MFHAS1: variants seen among roughly 807,000 people sequenced by gnomAD.
MFHAS1 encodes multifunctional ROCO family signaling regulator 1, also known as malignant fibrous histiocytoma-amplified sequence 1.
MFHAS1 carries 50 observed loss-of-function variants against 70.4 expected under a neutral mutation model. The ratio of observed to expected loss-of-function variants is 0.71; its 90% CI spans 0.57 to 0.90. MFHAS1 has a LOEUF of 0.90. MFHAS1 is among the 40% of genes least tolerant of loss of function. The pLI is 0.00. For synonymous variants in MFHAS1, 952 were observed against 620.0 expected (o/e 1.54, Z -7.96); for missense variants, 1,795 against 1,347.6 (o/e 1.33, Z -5.20).
chr8:8,860,898 C>T (rs61340036), intron 1 of MFHAS1, among the ~76,000 whole-genome samples: 31 of 152,142 alleles, frequency 2.0e-4, no homozygotes, highest in Non-Finnish European at 1.6e-4. Context: ...TGTATACATA[C>T]GTATACAAAC....
intron 1 of MFHAS1, among the ~76,000 whole-genome samples, chr8:8,804,807 T>C (rs182655644): frequency 5.5e-4 from 84 of 152,382 alleles, no homozygotes; most frequent in African/African-American, 1.9e-3. Flanking sequence ...TGGGCACGGA[T>C]GACGGGCGCC....
intron 1 of MFHAS1, among the ~76,000 whole-genome samples, chr8:8,847,697 C>G (rs554952884): frequency 6.6e-6 from 1 of 152,244 alleles, no homozygotes; most frequent in South Asian, 2.1e-4. Context: ...CAGTAAATTC[C>G]CTGCACACTC....
Position 8,892,629 on chromosome 8 carries a change from G to C in MFHAS1, c.430C>G (p.His144Asp). 1 of 1,604,986 alleles carries C rather than the reference G, an allele frequency of 6.2e-7. No individual in the cohort carries two copies. The highest frequency in any genetic ancestry group is 8.5e-7 in the Non-Finnish European group (1 of 1,176,488). The change falls in exon 1 of 3, where the codon CAC becomes GAC. Residue 144 changes from histidine (H) to aspartate (D), a missense_variant. Physicochemically the swap from His to Asp is moderately conservative, Grantham distance 81. Transcript: ENST00000276282. The surrounding 1 kb of genome is among the most constrained non-coding windows in gnomAD (Gnocchi z 4.7). ...LRELRKLNLS[H>D]NQLPALPAQL... Reference sequence around the variant, plus strand: ...GCGGGCAGGGCGGGCAGCTGGTTGTGGCTGAGGTTGAGCTTCCGCAGCTCC... The same window carrying C: ...GCGGGCAGGGCGGGCAGCTGGTTGTCGCTGAGGTTGAGCTTCCGCAGCTCC...
chr8:8,891,367 G>A lies in MFHAS1; in HGVS notation c.1692C>T (p.His564=). 6.2e-7 allele frequency: 1 copy of A among 1,611,418 alleles called. No individual in the cohort carries two copies. Among genetic ancestry groups the A allele is most frequent in the Middle Eastern group, 1.6e-4 (1 of 6,062 alleles). Residue 564 remains histidine, a synonymous_variant, in exon 1 of 3, where the codon CAC becomes CAT. Transcript: ENST00000276282. The surrounding 1 kb of genome is among the most constrained non-coding windows in gnomAD (Gnocchi z 5.4). ...CCAAGCGGCTCAGTCCCTCCGCGTC[G>A]TGCTTCTCCTGCAGGGCGATCTGGC... ...IHRQIALQEK[H]DAEGLSRLAK...
chr8:8,801,796 T>C (rs1415827730), intron 1 of MFHAS1, among the ~76,000 whole-genome samples: 2 of 152,138 alleles, frequency 1.3e-5, no homozygotes, highest in African/African-American at 4.8e-5. Context: ...AGGATCCCAG[T>C]GTCCACAGGG....
At chr8:8,854,438 G>A (rs886105047) in intron 1 of MFHAS1, among the ~76,000 whole-genome samples, 4 of 151,922 alleles carry the variant, frequency 2.6e-5, no homozygotes, top group African/African-American at 9.7e-5. Flanking sequence ...GGATAATGGA[G>A]TGAACCCGGG....
intron 1 of MFHAS1, among the ~76,000 whole-genome samples, chr8:8,847,478 G>A (rs905450421): frequency 5.9e-5 from 9 of 152,262 alleles, no homozygotes; most frequent in Admixed American, 3.9e-4. Flanking sequence ...CACCACGCCC[G>A]GCCAGAAATA....
At chr8:8,823,479 AG>A (rs1165414999) in intron 1 of MFHAS1, among the ~76,000 whole-genome samples, 3 of 152,180 alleles carry the variant, frequency 2.0e-5, no homozygotes, top group East Asian at 3.9e-4. Flanking sequence ...CTACTGCAAA[AG>A]GAAGAGACTG....
intron 1 of MFHAS1, among the ~76,000 whole-genome samples, chr8:8,833,545 C>T (rs1247954576): frequency 6.6e-6 from 1 of 152,110 alleles, no homozygotes; most frequent in African/African-American, 2.4e-5. Flanking sequence ...AGGAAGACTG[C>T]TTGAAACCAG....
rs139730878 is a variant in MFHAS1 at position 8,817,850 on chromosome 8, A to T, written c.2999-20359T>A. Among the ~76,000 whole-genome samples the T allele has an allele frequency of 7.7e-4, 118 of 152,282 alleles. 1 individual carries two copies. Among genetic ancestry groups the T allele is most frequent in the African/African-American group, 2.7e-3 (113 of 41,560 alleles). On this transcript the variant is annotated intron_variant, in intron 1 of 2. Coordinates refer to ENST00000276282, the MANE Select transcript of MFHAS1 (RefSeq NM_004225.3). ...AGAACCTAATGTAATGCTGCCGCTG[A>T]TCGGACAGGAGGCAGAGCTCAGGCA...
intron 1 of MFHAS1, among the ~76,000 whole-genome samples, chr8:8,836,803 G>T (rs1038147799): frequency 1.3e-5 from 2 of 152,152 alleles, no homozygotes; most frequent in African/African-American, 4.8e-5. Flanking sequence ...GCACACAGGG[G>T]TCTAAAAATT....
intron 1 of MFHAS1, among the ~76,000 whole-genome samples, chr8:8,847,971 A>T (rs1054772368): frequency 6.6e-6 from 1 of 152,240 alleles, no homozygotes; most frequent in African/African-American, 2.4e-5. Context: ...TGTAACATTA[A>T]AAACACTATC....
chr8:8,850,295 T>A (rs1193621824), intron 1 of MFHAS1, among the ~76,000 whole-genome samples: 6 of 152,224 alleles, frequency 3.9e-5, no homozygotes, highest in African/African-American at 1.4e-4. Flanking sequence ...GCTTAACATG[T>A]CTGTGACAAT....
At chr8:8,838,961 G>C (rs1039997003) in intron 1 of MFHAS1, among the ~76,000 whole-genome samples, 4 of 152,046 alleles carry the variant, frequency 2.6e-5, no homozygotes, top group African/African-American at 9.7e-5. Flanking sequence ...ATATATGCAG[G>C]GTCTCTTTGC....
chr8:8,851,128 G>C (rs983840369), intron 1 of MFHAS1, among the ~76,000 whole-genome samples: 1 of 152,196 alleles, frequency 6.6e-6, no homozygotes, highest in Non-Finnish European at 1.5e-5. Flanking sequence ...TACAGAAGAT[G>C]AAAAATACAT....
In MFHAS1 at chr8:8,891,296, G is replaced by A; in HGVS notation, c.1763C>T (p.Ser588Phe). The A allele has an allele frequency of 1.2e-6, 2 of 1,611,594 alleles. No homozygotes were observed. Among genetic ancestry groups the A allele is most frequent in the Non-Finnish European group, 1.7e-6 (2 of 1,180,026 alleles). Residue 588 changes from serine (S) to phenylalanine (F), a missense_variant, in exon 1 of 3, where the codon TCT (serine) becomes TTT (phenylalanine). Transcript: ENST00000276282. This position sits in a 1 kb window ranked among gnomAD's most constrained non-coding sequence, Gnocchi z 5.4. ...EALARDFELR[S>F]ASPHAAYYGV... ...ATAGTAGGCTGCGTGGGGGCTGGCA[G>A]AGCGCAGCTCGAAGTCCCGGGCCAG...
chr8:8,811,611 G>A (rs937568361), intron 1 of MFHAS1, among the ~76,000 whole-genome samples: 14 of 152,328 alleles, frequency 9.2e-5, no homozygotes, highest in South Asian at 6.2e-4. Context: ...GGTAACTAAC[G>A]TCCACCTGAC....
rs1807588019 is a variant in MFHAS1 at position 8,836,196 on chromosome 8, G to C, written c.2999-38705C>G. Among the ~76,000 whole-genome samples, 4 of 152,264 alleles carry C rather than the reference G, an allele frequency of 2.6e-5. No homozygotes were observed. In the South Asian group the frequency reaches 8.3e-4, roughly 32 times the overall value. Reference sequence around the variant, plus strand: ...ACAATTACATAAAGGCTGTGTATGTGAGAAAAGCACACTGTTTCAATTGCA... The same window carrying C: ...ACAATTACATAAAGGCTGTGTATGTCAGAAAAGCACACTGTTTCAATTGCA... On this transcript the variant is annotated intron_variant, in intron 1 of 2. Transcript: ENST00000276282.
chr8:8,788,867 C>A (rs565326619), intron 2 of MFHAS1, among the ~76,000 whole-genome samples: 62 of 152,254 alleles, frequency 4.1e-4, no homozygotes, highest in African/African-American at 1.4e-3. Flanking sequence ...CGGCCCACCA[C>A]GGCTGACCTC....
Sources: gnomAD v4.1 joint callset for allele counts (sites outside exome capture counted in the v4.1 genomes callset) on GRCh38, gnomAD v4.1.1 for gene constraint, Gnocchi (gnomAD v3.1) non-coding constraint, MANE v1.5 for transcripts, NCBI Gene and HGNC (gene_info 2026-07-23, HGNC 2026-07-21) for gene names.